The following SPAG17 variants were observed in gnomAD, a reference collection of about 807,000 sequenced individuals.
SPAG17 encodes the protein sperm-associated antigen 17.
SPAG17 carries 169 observed loss-of-function variants against 273.6 expected under a neutral mutation model. The ratio of observed to expected loss-of-function variants is 0.62; its 90% confidence interval spans 0.55 to 0.70. The LOEUF (loss-of-function observed/expected upper bound fraction) is 0.70, where lower values mean the gene tolerates loss of function less well. SPAG17 is among the 30% of genes least tolerant of loss of function. The pLI is 0.00. For synonymous variants in SPAG17, 825 were observed against 873.2 expected, an observed-to-expected ratio of 0.94 and a Z score of 0.97; for missense variants, 2,557 against 2,627.8, an observed-to-expected ratio of 0.97 and a Z score of 0.59.
intron 1 of SPAG17, among the ~76,000 whole-genome samples, chr1:118,177,127 A>C (rs529720202): frequency 1.9e-3 from 289 of 152,340 alleles, no homozygotes; most frequent in African/African-American, 6.7e-3. Context: ...CTTAATAATT[A>C]TACTAGTCAA....
intron 17 of SPAG17, among the ~76,000 whole-genome samples, chr1:118,068,990 G>C (rs1276984866): frequency 6.6e-6 from 1 of 152,102 alleles, no homozygotes; most frequent in Non-Finnish European, 1.5e-5. Flanking sequence ...ATGGATTAGA[G>C]CAGGGCAAGA....
At chr1:117,962,684 T>G (rs1404812659) in intron 48 of SPAG17, 1 of 152,218 alleles carries the variant, frequency 6.6e-6, no homozygotes, top group Admixed American at 6.5e-5. Flanking sequence ...CTAGGTGCTT[T>G]GTATATTTGG....
intron 3 of SPAG17, among the ~76,000 whole-genome samples, chr1:118,128,475 C>G (rs1301259267): frequency 2.0e-5 from 3 of 152,114 alleles, no homozygotes; most frequent in Non-Finnish European, 4.4e-5. Flanking sequence ...TTATCTTGTT[C>G]CAGTTCTTAG....
chr1:118,116,338 A>C lies in SPAG17; in HGVS notation c.316-897T>G, dbSNP rs143186182. On this transcript the variant is annotated intron_variant, in intron 3 of 48. Transcript: ENST00000336338. ...GTCACAGAAGTAATCTAGTTGAAGTATTTTTTGACTTTTGTTTTTAAGCAA... is the reference window on the plus strand; with the variant it reads ...GTCACAGAAGTAATCTAGTTGAAGTCTTTTTTGACTTTTGTTTTTAAGCAA... Among the ~76,000 whole-genome samples the C allele has an allele frequency of 1.5e-4, 23 of 152,274 alleles. No homozygotes were observed. The East Asian group carries it at 4.4e-3, about 29-fold the overall frequency.
intron 5 of SPAG17, 149 bp from the exon 6 acceptor site, chr1:118,099,949 T>C: frequency 1.6e-6 from 1 of 633,292 alleles, no homozygotes; most frequent in Admixed American, 3.1e-5. Flanking sequence ...TGCAGTCATG[T>C]TGACTGTTTT....
chr1:118,036,859 G>T lies in SPAG17; in HGVS notation c.3344C>A (p.Ala1115Asp). ...ETEVSDAKNK[A>D]FSKFGSFSAT... ...AGAAAAAGATCCAAACTTGCTGAAA[G>T]CTTTATTCTTTGCATCTGATACTTC... Residue 1115 changes from alanine to aspartate, a missense_variant, in exon 24 of 49, where the codon GCT (alanine) becomes GAT (aspartate). Transcript: ENST00000336338. 3 of 1,557,968 alleles carry T rather than the reference G, an allele frequency of 1.9e-6. No individual in the cohort carries two copies. The highest frequency in any genetic ancestry group is 2.6e-6 in the Non-Finnish European group (3 of 1,149,462).
intron 32 of SPAG17, among the ~76,000 whole-genome samples, chr1:117,999,798 C>A (rs901474127): frequency 1.3e-5 from 2 of 152,118 alleles, no homozygotes; most frequent in African/African-American, 4.8e-5. Context: ...ATGGTAGTTT[C>A]TTTTGCCGTA....
intron 3 of SPAG17, among the ~76,000 whole-genome samples, chr1:118,147,977 G>A (rs1659127381): frequency 6.6e-6 from 1 of 152,130 alleles, no homozygotes; most frequent in Non-Finnish European, 1.5e-5. Flanking sequence ...ACTAGGCTTT[G>A]ATTTAAAGCT....
intron 1 of SPAG17, among the ~76,000 whole-genome samples, chr1:118,164,602 C>A (rs1274159404): frequency 1.3e-5 from 2 of 152,218 alleles, no homozygotes; most frequent in African/African-American, 2.4e-5. Context: ...AAAACACCAT[C>A]TATAGGGTCT....
intron 32 of SPAG17, among the ~76,000 whole-genome samples, chr1:118,000,901 G>T (rs568580006): frequency 6.6e-6 from 1 of 152,264 alleles, no homozygotes; most frequent in African/African-American, 2.4e-5. Context: ...TCTTGTGCCG[G>T]TTTTCAAAGG....
intron 3 of SPAG17, among the ~76,000 whole-genome samples, chr1:118,142,660 A>C (rs528695591): frequency 2.3e-4 from 35 of 152,294 alleles, no homozygotes; most frequent in African/African-American, 8.2e-4. Context: ...TATCCCATGT[A>C]ATCACCACTA....
intron 30 of SPAG17, among the ~76,000 whole-genome samples, chr1:118,009,133 T>C (rs1397808966): frequency 1.3e-5 from 2 of 152,174 alleles, no homozygotes; most frequent in South Asian, 4.1e-4. Flanking sequence ...GTTACAATTA[T>C]ACAATTATGT....
At chr1:118,096,564 A>G (rs1216711012) in intron 7 of SPAG17, among the ~76,000 whole-genome samples, 1 of 152,140 alleles carries the variant, frequency 6.6e-6, no homozygotes, top group African/African-American at 2.4e-5. Context: ...ATAAGGGTCA[A>G]CTAGAAAGAG....
chr1:117,988,028 T>C (rs1246406050), intron 39 of SPAG17, 77 bp downstream of exon 39: 1 of 1,439,656 alleles, frequency 6.9e-7, no homozygotes, highest in Non-Finnish European at 9.5e-7. Context: ...CACCAAAAGT[T>C]ATAGCACCTG....
intron 48 of SPAG17, among the ~76,000 whole-genome samples, chr1:117,958,572 T>C (rs568105332): frequency 6.6e-6 from 1 of 152,314 alleles, no homozygotes; most frequent in South Asian, 2.1e-4. Context: ...TTTGTTAAGT[T>C]AGCATTTCTT....
intron 10 of SPAG17, among the ~76,000 whole-genome samples, chr1:118,090,628 A>G (rs1279435782): frequency 6.6e-6 from 1 of 152,190 alleles, no homozygotes; most frequent in African/African-American, 2.4e-5. Flanking sequence ...TCATGATTAT[A>G]ATCCCAGTGC....
In SPAG17 at chr1:118,008,296, ATTCCCCATGG is replaced by A; in HGVS notation, c.4433-108_4433-99del. On this transcript the variant is annotated intron_variant, in intron 30 of 48. Coordinates refer to ENST00000336338, the MANE Select transcript of SPAG17 (RefSeq NM_206996.4). Reference sequence around the variant, plus strand: ...TTGCTGCTGTTTCCTGGCTGTCTGGATTCCCCATGGAAAAAACACAATTGTAAAGTCTAGA... The same window carrying A: ...TTGCTGCTGTTTCCTGGCTGTCTGGAAAAAAACACAATTGTAAAGTCTAGA... The A allele has an allele frequency of 2.1e-6, 3 of 1,398,156 alleles. No individual in the cohort carries two copies. The Admixed American group carries it at 6.0e-5, about 28-fold the overall frequency. The allele number at this position is 1,398,156 out of a possible 1,614,324, so 86.6% of individuals were successfully genotyped here.
At chr1:118,115,659 G>A (rs565527584) in intron 3 of SPAG17, among the ~76,000 whole-genome samples, 4 of 152,106 alleles carry the variant, frequency 2.6e-5, no homozygotes, top group Admixed American at 6.6e-5. Flanking sequence ...TCTGAATATC[G>A]ACTTCTTTTT....
At chr1:117,985,974 T>G (rs2101617625) in intron 40 of SPAG17, among the ~76,000 whole-genome samples, 1 of 152,242 alleles carries the variant, frequency 6.6e-6, no homozygotes, top group Non-Finnish European at 1.5e-5. Context: ...AAAGAGACCT[T>G]AGATATTTGG....
Sources: gnomAD v4.1 joint callset for allele counts (sites outside exome capture counted in the v4.1 genomes callset) on GRCh38, gnomAD v4.1.1 for gene constraint, MANE v1.5 for transcripts, NCBI Gene and HGNC (gene_info 2026-07-23, HGNC 2026-07-21) for gene names.